Variants in LIPH observed in about 807,000 individuals in gnomAD.
LIPH encodes the protein lipase member H.
Under a neutral mutation model 47.6 loss-of-function variants are expected in LIPH, and 32 were observed. The observed-to-expected ratio is 0.67, with a 90% CI of 0.51 to 0.90. The LOEUF (loss-of-function observed/expected upper bound fraction) is 0.90, where lower values mean the gene tolerates loss of function less well. Among genes scored for constraint, LIPH ranks in the 40% least tolerant of loss-of-function variants. The pLI, the probability that LIPH is intolerant of heterozygous loss-of-function variation, is 0.00. For missense variants in LIPH, 497 were observed against 541.4 expected (o/e 0.92, Z 0.81); for synonymous variants, 190 against 195.6 (o/e 0.97, Z 0.24).
intron 5 of LIPH, among the ~76,000 whole-genome samples, chr3:185,522,897 AC>A (rs1413329938): frequency 6.6e-6 from 1 of 152,212 alleles, no homozygotes; most frequent in Non-Finnish European, 1.5e-5. Flanking sequence ...TGGAGCATTT[AC>A]TTTTAGTCTT....
intron 2 of LIPH, 146 bp from the exon 3 acceptor site, chr3:185,533,825 A>G: frequency 1.6e-6 from 1 of 636,330 alleles, no homozygotes; most frequent in Non-Finnish European, 2.8e-6. Context: ...CATCCATGCA[A>G]AGTAAATACT....
At chr3:185,524,661 G>T (rs1720011050) in intron 4 of LIPH, among the ~76,000 whole-genome samples, 1 of 152,012 alleles carries the variant, frequency 6.6e-6, no homozygotes, top group African/African-American at 2.4e-5. Context: ...ATGTTGTCCA[G>T]GCTGGTCTTA....
intron 1 of LIPH, among the ~76,000 whole-genome samples, chr3:185,543,005 T>A (rs558802815): frequency 1.3e-5 from 2 of 152,010 alleles, no homozygotes; most frequent in Non-Finnish European, 2.9e-5. Context: ...GGTCAGGAGT[T>A]CGAGACCAGC....
At chr3:185,510,348 AGACT>A (rs544878623) in intron 9 of LIPH, among the ~76,000 whole-genome samples, 69 of 152,348 alleles carry the variant, frequency 4.5e-4, no homozygotes, top group African/African-American at 1.6e-3. Context: ...ACTATATGGT[AGACT>A]GGCATTTGTC....
In LIPH at chr3:185,508,619, A is replaced by G. The variant is rs1315860872; in HGVS notation, c.*171T>C. On this transcript the variant is annotated 3_prime_UTR_variant, in exon 10 of 10. Coordinates refer to ENST00000296252, the MANE Select transcript of LIPH (RefSeq NM_139248.3). ...AGGGGCTCCTTCCCAGGATCGTTTT[A>G]TAATCACAAGGTTGTTTGATGTACA... 5 of 639,962 alleles carry G rather than the reference A, an allele frequency of 7.8e-6. No homozygotes were observed. Among genetic ancestry groups the G allele is most frequent in the Non-Finnish European group, 1.4e-5 (5 of 356,082 alleles). The allele number at this position is 639,962 out of a possible 1,614,324, so 39.6% of individuals were successfully genotyped here. A position where few individuals can be genotyped will look rare whatever the true frequency, so the allele number is the denominator to read the frequency against.
chr3:185,514,547 AAGAG>A, intron 7 of LIPH, 26 bp from the exon 8 acceptor site: 1 of 884,542 alleles, frequency 1.1e-6, no homozygotes, highest in East Asian at 2.4e-5. Flanking sequence ...AGAACACGGT[AAGAG>A]AGAGATACTA....
intron 1 of LIPH, among the ~76,000 whole-genome samples, chr3:185,546,114 C>T (rs1449139464): frequency 6.6e-6 from 1 of 151,192 alleles, no homozygotes; most frequent in Non-Finnish European, 1.5e-5. Flanking sequence ...TGCAGTGAGT[C>T]GAGACCCAGC....
chr3:185,507,582 G>A lies in LIPH; in HGVS notation c.*1208C>T, dbSNP rs1719420012. On this transcript the variant is annotated 3_prime_UTR_variant, in exon 10 of 10. Transcript: ENST00000296252. ...CCTCCCTTCTTTCTGGCCTTGGCCTGACAGGACCTCTTGACTGGACTCCTG... is the reference window on the plus strand; with the variant it reads ...CCTCCCTTCTTTCTGGCCTTGGCCTAACAGGACCTCTTGACTGGACTCCTG... 1 of 152,300 alleles carries A rather than the reference G, an allele frequency of 6.6e-6. No homozygotes were observed. Among genetic ancestry groups the A allele is most frequent in the Non-Finnish European group, 1.5e-5 (1 of 68,068 alleles). 9.4% of individuals were successfully genotyped at this position (152,300 alleles called of 1,614,324 possible). A position where few individuals can be genotyped will look rare whatever the true frequency, so the allele number is the denominator to read the frequency against.
chr3:185,514,854 G>T (rs1255453444), intron 7 of LIPH, among the ~76,000 whole-genome samples: 1 of 152,120 alleles, frequency 6.6e-6, no homozygotes, highest in African/African-American at 2.4e-5. Flanking sequence ...AACCAACTAA[G>T]GGGCCATTCG....
intron 4 of LIPH, among the ~76,000 whole-genome samples, chr3:185,526,404 C>T (rs980859695): frequency 1.3e-5 from 2 of 151,422 alleles, no homozygotes; most frequent in Non-Finnish European, 2.9e-5. Flanking sequence ...GCCTGTAATC[C>T]CAGCTACTTG....
At chr3:185,520,432 G>T (rs1025130930) in intron 5 of LIPH, among the ~76,000 whole-genome samples, 3 of 151,646 alleles carry the variant, frequency 2.0e-5, no homozygotes, top group Non-Finnish European at 2.9e-5. Flanking sequence ...CAGGAGAATC[G>T]CTTGAACCTG....
chr3:185,548,643 CT>C (rs746325696), intron 1 of LIPH, among the ~76,000 whole-genome samples: 2 of 151,736 alleles, frequency 1.3e-5, no homozygotes, highest in African/African-American at 2.4e-5. Context: ...AGGAGAATCA[CT>C]TGAACCTGGG....
intron 5 of LIPH, 67 bp downstream of exon 5, chr3:185,524,004 G>A (rs746906974): frequency 4.6e-6 from 5 of 1,096,734 alleles, no homozygotes; most frequent in African/African-American, 1.5e-5. Context: ...TTACAGGCAT[G>A]AGCCACCATG....
chr3:185,527,410 A>G (rs1242763323), intron 4 of LIPH, 74 bp downstream of exon 4: 2 of 1,031,720 alleles, frequency 1.9e-6, no homozygotes, highest in Non-Finnish European at 3.1e-6. Context: ...CTGCTCCTAC[A>G]TGATTATCTC....
chr3:185,526,690 A>AT (rs1385746010), intron 4 of LIPH, among the ~76,000 whole-genome samples: 828 of 32,760 alleles, frequency 0.025, 15 homozygotes, highest in African/African-American at 0.066. Context: ...ATATAATATA[A>AT]AATAAATAAA....
At chr3:185,529,089 ATTGT>A (rs1488989232) in intron 3 of LIPH, among the ~76,000 whole-genome samples, 1 of 140,068 alleles carries the variant, frequency 7.1e-6, no homozygotes, top group Non-Finnish European at 1.5e-5. Context: ...AGGCAGGAGA[ATTGT>A]TTGAACTGGG....
Position 185,534,799 on chromosome 3 carries a change from G to C in LIPH, c.383C>G (p.Ala128Gly). 1.2e-6 allele frequency: 2 copies of C among 1,613,242 alleles called. No homozygotes were observed. The highest frequency in any genetic ancestry group is 2.2e-5 in the South Asian group (2 of 91,052). The change falls in exon 2 of 10, where the codon GCC becomes GGC. Residue 128 changes from alanine to glycine, a missense_variant. Physicochemically the swap from Ala to Gly is moderately conservative, Grantham distance 60. Transcript: ENST00000296252. ...GTCAATAAATTCCTTCAAGACCATG[G>C]CTACTTTTCTGGTCTTACTAGAGGC... The part of the protein sequence containing the change: ...THASSKTRKV[A>G]MVLKEFIDQM...
At chr3:185,534,248 C>CG (rs1394432696) in intron 2 of LIPH, among the ~76,000 whole-genome samples, 2 of 151,730 alleles carry the variant, frequency 1.3e-5, no homozygotes, top group African/African-American at 4.8e-5. Flanking sequence ...CCCAGCTACT[C>CG]GGGGGGCTGA....
At chr3:185,550,441 A>G (rs1263426041) in intron 1 of LIPH, among the ~76,000 whole-genome samples, 2 of 152,238 alleles carry the variant, frequency 1.3e-5, no homozygotes, top group African/African-American at 4.8e-5. Flanking sequence ...AAAAAAATTA[A>G]GTTGCCATTT....
Sources: gnomAD v4.1 joint callset for allele counts (sites outside exome capture counted in the v4.1 genomes callset) on GRCh38, gnomAD v4.1.1 for gene constraint, MANE v1.5 for transcripts, NCBI Gene and HGNC (gene_info 2026-07-23, HGNC 2026-07-21) for gene names.